FMNL2: variants seen among roughly 807,000 people sequenced by gnomAD.
FMNL2 encodes formin like 2, also known as formin-like protein 2.
In FMNL2, 51 loss-of-function variants were observed where a neutral mutation model predicts 130.2. That is an observed-to-expected ratio of 0.39 (90% CI 0.31 to 0.49). The LOEUF is 0.49. Among genes scored for constraint, FMNL2 ranks in the 20% least tolerant of loss-of-function variants. The pLI is 0.85. For missense variants in FMNL2, 977 were observed against 1,316.2 expected (o/e 0.74, Z 3.99); for synonymous variants, 465 against 467.1 (o/e 1.00, Z 0.06).
intron 9 of FMNL2, among the ~76,000 whole-genome samples, chr2:152,582,375 C>A (rs1469441746): frequency 2.0e-5 from 3 of 152,256 alleles, no homozygotes; most frequent in African/African-American, 7.2e-5. Context: ...AAGATGTGAA[C>A]AGGGCAGACA....
intron 1 of FMNL2, among the ~76,000 whole-genome samples, chr2:152,339,885 G>A (rs935734094): frequency 1.1e-4 from 17 of 152,116 alleles, no homozygotes; most frequent in African/African-American, 4.1e-4. Flanking sequence ...AGATGCATAA[G>A]TAATGATTAT....
intron 1 of FMNL2, among the ~76,000 whole-genome samples, chr2:152,351,681 T>G (rs1479231408): frequency 6.6e-6 from 1 of 152,216 alleles, no homozygotes; most frequent in Non-Finnish European, 1.5e-5. Context: ...TGTGTCTTTA[T>G]AGTAGAATAA....
chr2:152,634,771 C>G (rs1022080931), intron 21 of FMNL2, among the ~76,000 whole-genome samples: 1 of 152,200 alleles, frequency 6.6e-6, no homozygotes, highest in Non-Finnish European at 1.5e-5. Context: ...GAACTGGACC[C>G]TTTCTCTTGA....
At chr2:152,380,394 CTTTA>C (rs1392149328) in intron 1 of FMNL2, among the ~76,000 whole-genome samples, 7 of 152,180 alleles carry the variant, frequency 4.6e-5, no homozygotes, top group Non-Finnish European at 7.3e-5. Flanking sequence ...TCTTTCTGAT[CTTTA>C]TTAAGACAGC....
At position 152,649,290 on chromosome 2, in the gene FMNL2, C is replaced by A. The variant is rs944844081; in HGVS notation, c.*1385C>A. On this transcript the variant is annotated 3_prime_UTR_variant, in exon 26 of 26. Coordinates refer to ENST00000288670, the MANE Select transcript of FMNL2 (RefSeq NM_052905.4). ...TGGTTTTTACACTTCTCTTTAATTC[C>A]CACCTAAGCCTCTGGGTAATATTGT... 2.6e-5 allele frequency: 4 copies of A among 152,386 alleles called. No homozygotes were observed. The highest frequency in any genetic ancestry group is 2.6e-4 in the Admixed American group (4 of 15,256). 9.4% of individuals were successfully genotyped at this position (152,386 alleles called of 1,614,324 possible). A position where few individuals can be genotyped will look rare whatever the true frequency, so the allele number is the denominator to read the frequency against.
At chr2:152,542,207 ACT>A (rs2105493387) in intron 2 of FMNL2, among the ~76,000 whole-genome samples, 1 of 152,162 alleles carries the variant, frequency 6.6e-6, no homozygotes, top group East Asian at 1.9e-4. Context: ...CAAACATAAC[ACT>A]CCCACATTCC....
intron 1 of FMNL2, among the ~76,000 whole-genome samples, chr2:152,349,894 C>CA (rs942763386): frequency 6.6e-5 from 10 of 150,982 alleles, no homozygotes; most frequent in African/African-American, 2.2e-4. Context: ...TCAGACAGTC[C>CA]AAAAAATATT....
At chr2:152,584,771 ACATCATTTTC>A (rs1270241400) in intron 9 of FMNL2, among the ~76,000 whole-genome samples, 2 of 152,240 alleles carry the variant, frequency 1.3e-5, no homozygotes, top group East Asian at 3.8e-4. Context: ...ATGTATGACT[ACATCATTTTC>A]TCATGTTTTG....
chr2:152,468,455 T>G (rs573574777), intron 1 of FMNL2, among the ~76,000 whole-genome samples: 9 of 152,358 alleles, frequency 5.9e-5, no homozygotes, highest in African/African-American at 2.2e-4. Flanking sequence ...TATGTGAACC[T>G]GTTTTTTTTT....
At chr2:152,532,454 T>TA (rs1693754068) in intron 2 of FMNL2, among the ~76,000 whole-genome samples, 1 of 152,196 alleles carries the variant, frequency 6.6e-6, no homozygotes, top group African/African-American at 2.4e-5. Context: ...TAGCCATTTT[T>TA]ATGGGCATAT....
rs926142968 is a variant in FMNL2, at chr2:152,580,389, G to A, written c.783-567G>A. 3.9e-5 allele frequency among the ~76,000 whole-genome samples: 6 copies of A among 152,200 alleles called. No individual in the cohort carries two copies. The East Asian group carries it at 1.2e-3, about 29-fold the overall frequency. On this transcript the variant is annotated intron_variant, in intron 8 of 25. Coordinates refer to ENST00000288670, the MANE Select transcript of FMNL2 (RefSeq NM_052905.4). ...AAATATTCTTGTGTTAGTAAAGCTA[G>A]TAAAGCTGTAATCCAGCTCCTTCCA...
intron 1 of FMNL2, among the ~76,000 whole-genome samples, chr2:152,385,819 G>T (rs1474045789): frequency 6.6e-6 from 1 of 152,080 alleles, no homozygotes; most frequent in African/African-American, 2.4e-5. Flanking sequence ...TGCTCTGAAG[G>T]CTTAAATTGT....
intron 1 of FMNL2, among the ~76,000 whole-genome samples, chr2:152,495,652 C>CTAAAAAAAAAAAAAAAA (rs1491329972): frequency 2.5e-4 from 1 of 3,982 alleles, no homozygotes; most frequent in Admixed American, 3.8e-3. Flanking sequence ...CTCCGTCTCA[C>CTAAAAAAAAAAAAAAAA]CAAAAAAAAA....
intron 1 of FMNL2, among the ~76,000 whole-genome samples, chr2:152,352,760 A>G (rs1353726382): frequency 1.3e-5 from 2 of 151,782 alleles, no homozygotes; most frequent in Non-Finnish European, 2.9e-5. Context: ...GGCTTTCTGA[A>G]GGCTCTCTTT....
intron 2 of FMNL2, among the ~76,000 whole-genome samples, chr2:152,534,255 A>G (rs975880848): frequency 3.9e-5 from 6 of 152,194 alleles, no homozygotes; most frequent in African/African-American, 1.4e-4. Flanking sequence ...AGTGGAAAGC[A>G]GCTTCTTTAG....
chr2:152,558,411 C>T (rs1695344495), intron 4 of FMNL2, among the ~76,000 whole-genome samples: 1 of 152,154 alleles, frequency 6.6e-6, no homozygotes, highest in Non-Finnish European at 1.5e-5. Flanking sequence ...GGCTGTAGAT[C>T]AATTGTGGTG....
intron 9 of FMNL2, among the ~76,000 whole-genome samples, chr2:152,604,605 T>G (rs1435843709): frequency 6.6e-6 from 1 of 151,470 alleles, no homozygotes; most frequent in Non-Finnish European, 1.5e-5. Context: ...AGTACACTGT[T>G]TTTTTTTTGA....
At position 152,627,524 on chromosome 2, in the gene FMNL2, G is replaced by T. The variant is rs368875327; in HGVS notation, c.2166-775G>T. Among the ~76,000 whole-genome samples the T allele has an allele frequency of 1.4e-4, 22 of 152,272 alleles. No individual in the cohort carries two copies. In the East Asian group the frequency reaches 3.3e-3, roughly 23 times the overall value. On this transcript the variant is annotated intron_variant, in intron 17 of 25. Coordinates refer to ENST00000288670, the MANE Select transcript of FMNL2 (RefSeq NM_052905.4). ...TTCCAATTTTGTGTCCTCAACCAGGGTCATAATCTGGTAGTCCAGTGCCTC... is the reference window on the plus strand; with the variant it reads ...TTCCAATTTTGTGTCCTCAACCAGGTTCATAATCTGGTAGTCCAGTGCCTC...
intron 2 of FMNL2, among the ~76,000 whole-genome samples, chr2:152,531,451 G>A (rs1351078278): frequency 6.6e-6 from 1 of 150,382 alleles, no homozygotes; most frequent in Non-Finnish European, 1.5e-5. Flanking sequence ...TGTTTATTAT[G>A]CTAAATGTAA....
Sources: allele counts gnomAD v4.1 joint callset (sites outside exome capture counted in the v4.1 genomes callset), GRCh38; gene constraint gnomAD v4.1.1; transcripts MANE v1.5; gene names NCBI Gene and HGNC (gene_info 2026-07-23, HGNC 2026-07-21).